Variants in POU6F2 observed in about 807,000 individuals in gnomAD.
POU6F2 encodes the protein POU class 6 homeobox 2.
In POU6F2, 31 loss-of-function variants were observed where a neutral mutation model predicts 71.3. The ratio of observed to expected loss-of-function variants is 0.43; its 90% CI spans 0.33 to 0.59. POU6F2 has a LOEUF of 0.59. Among genes scored for constraint, POU6F2 ranks in the 20% least tolerant of loss-of-function variants. The pLI is 0.04. For missense variants in POU6F2, 783 were observed against 856.8 expected, an observed-to-expected ratio of 0.91 and a Z score of 1.07; for synonymous variants, 347 against 355.7, an observed-to-expected ratio of 0.98 and a Z score of 0.27.
rs1791285696 is a variant in POU6F2, at chr7:39,087,893, C to T, written c.277+1862C>T. Among the ~76,000 whole-genome samples the T allele has an allele frequency of 2.0e-4, 31 of 152,024 alleles. 1 individual carries two copies. Among genetic ancestry groups the T allele is most frequent in the Admixed American group, 2.0e-3 (31 of 15,260 alleles). On this transcript the variant is annotated intron_variant, in intron 2 of 9. Transcript: ENST00000518318. ...TATAGATTTGTTATGCTACGTCTTA[C>T]TGATTTGCATGTGTAGAGAAAAAAG...
intron 2 of POU6F2, among the ~76,000 whole-genome samples, chr7:39,116,569 G>C (rs1584550688): frequency 6.6e-6 from 1 of 152,144 alleles, no homozygotes. Context: ...GAGGCTAACT[G>C]TTTAATATTA....
intron 5 of POU6F2, among the ~76,000 whole-genome samples, chr7:39,386,109 C>T (rs1162854681): frequency 4.2e-5 from 6 of 141,282 alleles, no homozygotes; most frequent in Non-Finnish European, 1.5e-5. Flanking sequence ...CAGAGCAAGA[C>T]TCCGTCTCAA....
chr7:39,101,708 A>G (rs1460133847), intron 2 of POU6F2, among the ~76,000 whole-genome samples: 2 of 152,178 alleles, frequency 1.3e-5, no homozygotes, highest in Non-Finnish European at 2.9e-5. Flanking sequence ...AAAATTCTCA[A>G]AAGAGTATAT....
chr7:39,315,332 G>T (rs1254142009), intron 4 of POU6F2, among the ~76,000 whole-genome samples: 1 of 152,120 alleles, frequency 6.6e-6, no homozygotes, highest in Non-Finnish European at 1.5e-5. Flanking sequence ...GCTTGCAGCT[G>T]GTCATTAACA....
At chr7:39,373,233 C>T (rs1786648044) in intron 5 of POU6F2, among the ~76,000 whole-genome samples, 1 of 152,094 alleles carries the variant, frequency 6.6e-6, no homozygotes, top group African/African-American at 2.4e-5. Context: ...GTAGCAGTGA[C>T]GTTGATGACA....
chr7:39,033,011 C>T (rs1789979672), intron 1 of POU6F2, among the ~76,000 whole-genome samples: 1 of 152,194 alleles, frequency 6.6e-6, no homozygotes, highest in Non-Finnish European at 1.5e-5. Context: ...CGTTCAGTGT[C>T]ATCGAGTGTA....
At position 39,460,449 on chromosome 7, in the gene POU6F2, G is replaced by A. The variant is rs1193219344; in HGVS notation, c.1490-98G>A. The A allele has an allele frequency of 3.8e-5, 53 of 1,390,946 alleles. No homozygotes were observed. The highest frequency in any genetic ancestry group is 5.2e-5 in the Non-Finnish European group (53 of 1,009,808). 86.2% of individuals were successfully genotyped at this position (1,390,946 alleles called of 1,614,324 possible). ...CTGAGGTTGGTTTCCTCACTGCTCTGCTGTTAAAGAGAGCCACTTTCTTAT... is the reference window on the plus strand; with the variant it reads ...CTGAGGTTGGTTTCCTCACTGCTCTACTGTTAAAGAGAGCCACTTTCTTAT... On this transcript the variant is annotated intron_variant, in intron 8 of 9. Coordinates refer to ENST00000518318, the MANE Select transcript of POU6F2 (RefSeq NM_001370959.1). This position sits in a 1 kb window ranked among gnomAD's most constrained non-coding sequence, Gnocchi z 4.4.
intron 4 of POU6F2, among the ~76,000 whole-genome samples, chr7:39,299,938 C>T (rs1784923506): frequency 6.6e-6 from 1 of 152,182 alleles, no homozygotes; most frequent in African/African-American, 2.4e-5. Context: ...TTCATGCCCC[C>T]AGCCAGGAGG....
At chr7:39,290,709 T>A (rs1461169803) in intron 4 of POU6F2, among the ~76,000 whole-genome samples, 1 of 152,192 alleles carries the variant, frequency 6.6e-6, no homozygotes, top group Admixed American at 6.5e-5. Flanking sequence ...TGCCCTCTCT[T>A]TGCAACCTCC....
At chr7:39,194,060 T>C (rs536939610) in intron 2 of POU6F2, among the ~76,000 whole-genome samples, 1 of 152,354 alleles carries the variant, frequency 6.6e-6, no homozygotes, top group African/African-American at 2.4e-5. Flanking sequence ...AGGAATTCTT[T>C]ATTCAAAATT....
At chr7:39,085,238 C>G (rs967836727) in intron 1 of POU6F2, 3 of 152,062 alleles carry the variant, frequency 2.0e-5, no homozygotes, top group African/African-American at 7.2e-5. Flanking sequence ...GCTCCGGTTC[C>G]CAATCTGGGA....
intron 5 of POU6F2, among the ~76,000 whole-genome samples, chr7:39,387,510 T>G (rs1304965528): frequency 6.6e-6 from 1 of 152,208 alleles, no homozygotes; most frequent in Non-Finnish European, 1.5e-5. Context: ...TACACTAGTT[T>G]TTCCCTTTAG....
chr7:39,194,224 A>T (rs1007569169), intron 2 of POU6F2, among the ~76,000 whole-genome samples: 6 of 152,270 alleles, frequency 3.9e-5, no homozygotes, highest in African/African-American at 1.4e-4. Flanking sequence ...CTACGATGAA[A>T]CAGTCACTGG....
At chr7:39,291,602 G>T (rs1784757905) in intron 4 of POU6F2, among the ~76,000 whole-genome samples, 1 of 152,158 alleles carries the variant, frequency 6.6e-6, no homozygotes. Context: ...TCCCAACGTG[G>T]CTGCAGGAGA....
rs115133949 is a variant in POU6F2 at position 39,253,683 on chromosome 7, G to A, written c.598+46063G>A. Among the ~76,000 whole-genome samples, 251 of 152,200 alleles carry A rather than the reference G, an allele frequency of 1.6e-3. 1 individual carries two copies. Among genetic ancestry groups the A allele is most frequent in the African/African-American group, 5.4e-3 (225 of 41,538 alleles). Reference sequence around the variant, plus strand: ...CCAGCGTCATGCAAAGTGGAGGGTCGGGTAGAGGAGGGCACAGAGCAGGGA... The same window carrying A: ...CCAGCGTCATGCAAAGTGGAGGGTCAGGTAGAGGAGGGCACAGAGCAGGGA... On this transcript the variant is annotated intron_variant, in intron 4 of 9. Coordinates refer to ENST00000518318, the MANE Select transcript of POU6F2 (RefSeq NM_001370959.1).
chr7:39,279,821 C>A (rs7805629), intron 4 of POU6F2, among the ~76,000 whole-genome samples: 40,837 of 151,790 alleles, frequency 0.27, 6,192 homozygotes, highest in African/African-American at 0.41. Context: ...ATCTCGGCTT[C>A]CTGCAACCTC....
At chr7:39,007,879 G>A (rs898502382) in intron 1 of POU6F2, among the ~76,000 whole-genome samples, 6 of 151,430 alleles carry the variant, frequency 4.0e-5, no homozygotes, top group African/African-American at 1.5e-4. Context: ...TGGCTGCATA[G>A]TATTCCATCG....
At chr7:39,082,539 C>T (rs1284403877) in intron 1 of POU6F2, among the ~76,000 whole-genome samples, 3 of 152,126 alleles carry the variant, frequency 2.0e-5, no homozygotes, top group Non-Finnish European at 4.4e-5. Flanking sequence ...CAAGCACCTA[C>T]GTAGATGCAT....
At chr7:39,108,074 C>T (rs193122961) in intron 2 of POU6F2, among the ~76,000 whole-genome samples, 67 of 152,200 alleles carry the variant, frequency 4.4e-4, no homozygotes, top group African/African-American at 1.6e-3. Flanking sequence ...TCTGAAATTG[C>T]TCTCAATTCT....
Sources: allele counts gnomAD v4.1 joint callset (sites outside exome capture counted in the v4.1 genomes callset), GRCh38; gene constraint gnomAD v4.1.1; non-coding constraint Gnocchi (gnomAD v3.1); transcripts MANE v1.5; gene names NCBI Gene and HGNC (gene_info 2026-07-23, HGNC 2026-07-21).